FARSB: variants seen among roughly 807,000 people sequenced by gnomAD.
FARSB encodes phenylalanyl-tRNA synthetase subunit beta.
A neutral mutation model predicts 69.6 loss-of-function variants in FARSB; 40 were observed. That is an observed-to-expected ratio of 0.57 (90% CI 0.45 to 0.75). FARSB has a LOEUF of 0.75. Among genes scored for constraint, FARSB ranks in the 30% least tolerant of loss-of-function variants. The pLI, the probability that FARSB is intolerant of heterozygous loss-of-function variation, is 0.00. For missense variants in FARSB, 632 were observed against 722.9 expected (o/e 0.87, Z 1.44); for synonymous variants, 235 against 247.2 (o/e 0.95, Z 0.46).
Position 222,570,015 on chromosome 2 carries a change from A to G in FARSB, c.*1856T>C, listed in dbSNP as rs995080853. On this transcript the variant is annotated 3_prime_UTR_variant, in exon 17 of 17. Coordinates refer to ENST00000281828, the MANE Select transcript of FARSB (RefSeq NM_005687.5). ...TTACATTGTGACTCACCAGCAGTGC[A>G]TGAAAGTTCCACTTGCTCCAGTCTC... is the stretch of plus-strand genomic sequence containing the variant. Among the ~76,000 whole-genome samples the G allele has an allele frequency of 3.3e-5, 5 of 152,200 alleles. No individual in the cohort carries two copies. Among genetic ancestry groups the G allele is most frequent in the African/African-American group, 1.2e-4 (5 of 41,450 alleles).
At chr2:222,648,562 A>AT (rs1691934415) in intron 2 of FARSB, among the ~76,000 whole-genome samples, 178 bp downstream of exon 2, 1 of 152,202 alleles carries the variant, frequency 6.6e-6, no homozygotes, top group African/African-American at 2.4e-5. Context: ...TCCTTTTGAG[A>AT]TTTTAGTCAA....
intron 16 of FARSB, among the ~76,000 whole-genome samples, chr2:222,584,711 A>G (rs1690062042): frequency 6.6e-6 from 1 of 152,204 alleles, no homozygotes; most frequent in Non-Finnish European, 1.5e-5. Flanking sequence ...CCTGGCTCAG[A>G]GGGTCCCACG....
At chr2:222,582,906 CA>C (rs1415457811) in intron 16 of FARSB, among the ~76,000 whole-genome samples, 2 of 146,792 alleles carry the variant, frequency 1.4e-5, no homozygotes, top group East Asian at 4.0e-4. Flanking sequence ...GCCTGGCAGA[CA>C]GAGCAAGACT....
chr2:222,606,310 G>A (rs1474727446), intron 15 of FARSB, among the ~76,000 whole-genome samples: 2 of 152,146 alleles, frequency 1.3e-5, no homozygotes, highest in Non-Finnish European at 2.9e-5. Context: ...GCTGGGTATA[G>A]TAACATTCCC....
chr2:222,592,982 C>T (rs187231212), intron 16 of FARSB, among the ~76,000 whole-genome samples: 66 of 152,120 alleles, frequency 4.3e-4, no homozygotes, highest in African/African-American at 1.5e-3. Context: ...GTATACACTA[C>T]CTGCCCGTTA....
intron 16 of FARSB, among the ~76,000 whole-genome samples, chr2:222,595,404 G>C (rs149983550): frequency 4.6e-5 from 7 of 152,228 alleles, no homozygotes; most frequent in African/African-American, 1.7e-4. Flanking sequence ...CCTGAAAGGG[G>C]AAAAAGGTCA....
chr2:222,575,382 G>A (rs1239248033), intron 16 of FARSB, among the ~76,000 whole-genome samples: 1 of 152,240 alleles, frequency 6.6e-6, no homozygotes, highest in South Asian at 2.1e-4. Context: ...GCAGCATGCT[G>A]TGTCTAGAAA....
At chr2:222,574,193 C>T (rs547589422) in intron 16 of FARSB, among the ~76,000 whole-genome samples, 1 of 151,792 alleles carries the variant, frequency 6.6e-6, no homozygotes, top group Non-Finnish European at 1.5e-5. Context: ...TTATATTCTT[C>T]TTCAGTTGCC....
At position 222,624,788 on chromosome 2, in the gene FARSB, G is replaced by A. The variant is rs753368765; in HGVS notation, c.901-13C>T. 5 of 1,543,924 alleles carry A rather than the reference G, an allele frequency of 3.2e-6. No homozygotes were observed. The South Asian group carries it at 3.5e-5, about 11-fold the overall frequency. ...GGTAAGCTAATTCCTTAAATAGAAAGAGTTTAAAAAGTAAATCATTTCCCA... is the reference window on the plus strand; with the variant it reads ...GGTAAGCTAATTCCTTAAATAGAAAAAGTTTAAAAAGTAAATCATTTCCCA... On this transcript the variant is annotated splice_polypyrimidine_tract_variant and intron_variant, in intron 10 of 16. Transcript: ENST00000281828.
chr2:222,651,809 C>T (rs907573136), intron 1 of FARSB, among the ~76,000 whole-genome samples: 16 of 152,180 alleles, frequency 1.1e-4, no homozygotes, highest in Non-Finnish European at 2.2e-4. Context: ...TCTTTGAACT[C>T]TCAAAATTCT....
chr2:222,577,669 A>G (rs959531475), intron 16 of FARSB, among the ~76,000 whole-genome samples: 1 of 152,256 alleles, frequency 6.6e-6, no homozygotes, highest in African/African-American at 2.4e-5. Context: ...AATGTCTTCA[A>G]TAAACAACCA....
chr2:222,652,305 C>A (rs1257005775), intron 1 of FARSB, among the ~76,000 whole-genome samples: 1 of 152,092 alleles, frequency 6.6e-6, no homozygotes, highest in Non-Finnish European at 1.5e-5. Context: ...ATGGGAGGAA[C>A]TGAATCAGTG....
At chr2:222,601,413 CAATAATAAT>C (rs1020800566) in intron 15 of FARSB, among the ~76,000 whole-genome samples, 5 of 150,848 alleles carry the variant, frequency 3.3e-5, no homozygotes, top group Admixed American at 2.0e-4. Context: ...CCCATCTCTA[CAATAATAAT>C]AATAATAATA....
chr2:222,591,161 C>T (rs1203119794), intron 16 of FARSB, among the ~76,000 whole-genome samples: 1 of 149,736 alleles, frequency 6.7e-6, no homozygotes, highest in Non-Finnish European at 1.5e-5. Flanking sequence ...GAGCTATGAT[C>T]ATCAAGCCAG....
intron 15 of FARSB, among the ~76,000 whole-genome samples, chr2:222,601,047 T>C (rs769325060): frequency 7.1e-6 from 1 of 140,672 alleles, no homozygotes; most frequent in Non-Finnish European, 1.6e-5. Flanking sequence ...CATGATTCCA[T>C]TTATATGAAG....
At chr2:222,573,837 C>T (rs1011419931) in intron 16 of FARSB, among the ~76,000 whole-genome samples, 3 of 152,172 alleles carry the variant, frequency 2.0e-5, no homozygotes, top group South Asian at 2.1e-4. Flanking sequence ...ATAGATTCAA[C>T]GGGTACGTGT....
intron 15 of FARSB, among the ~76,000 whole-genome samples, chr2:222,606,901 A>C (rs1690716910): frequency 6.6e-6 from 1 of 152,218 alleles, no homozygotes; most frequent in South Asian, 2.1e-4. Flanking sequence ...GCTAGGAGAA[A>C]ACCTATTGGG....
In FARSB at chr2:222,619,700, T is replaced by G. The variant is rs200558081; in HGVS notation, c.1289A>C (p.Asp430Ala). ...QEDIADKLGV[D>A]ISATKAVHIS... is the part of the protein sequence containing the mutation. ...GTGGACTGCCTTTGTTGCAGAGATA[T>G]CCACACCTAGTTTATCAGCAATATC... The change falls in exon 14 of 17, where the codon GAT becomes GCT. Residue 430 changes from aspartate to alanine, a missense_variant. Physicochemically the swap from Asp to Ala is moderately radical, Grantham distance 126. Transcript: ENST00000281828. 1 of 1,606,798 alleles carries G rather than the reference T, an allele frequency of 6.2e-7. No individual in the cohort carries two copies. Among genetic ancestry groups the G allele is most frequent in the East Asian group, 2.2e-5 (1 of 44,766 alleles).
Position 222,577,886 on chromosome 2 carries a change from TA to T in FARSB, c.1619-5865del, listed in dbSNP as rs551441187. Among the ~76,000 whole-genome samples, 134 of 152,368 alleles carry T rather than the reference TA, an allele frequency of 8.8e-4. 1 individual carries two copies. The highest frequency in any genetic ancestry group is 3.1e-3 in the African/African-American group (131 of 41,588). On this transcript the variant is annotated intron_variant, in intron 16 of 16. Coordinates refer to ENST00000281828, the MANE Select transcript of FARSB (RefSeq NM_005687.5). ...AAAATGCTCGGGAAACGTTGAGATC[TA>T]TTTTAAAGTCTAATCTTAACTATGT... is the stretch of plus-strand genomic sequence containing the variant.
Sources: allele counts gnomAD v4.1 joint callset (sites outside exome capture counted in the v4.1 genomes callset), GRCh38; gene constraint gnomAD v4.1.1; transcripts MANE v1.5; gene names NCBI Gene and HGNC (gene_info 2026-07-23, HGNC 2026-07-21).